Variants in MACROD1 observed in about 807,000 individuals in gnomAD.
The protein encoded by MACROD1 is ADP-ribose glycohydrolase MACROD1.
A neutral mutation model predicts 41.4 loss-of-function variants in MACROD1; 31 were observed. The observed-to-expected ratio is 0.75, with a 90% confidence interval of 0.56 to 1.01. The LOEUF (loss-of-function observed/expected upper bound fraction) is 1.01. Among genes scored for constraint, MACROD1 ranks in the 50% least tolerant of loss-of-function variants. MACROD1 has a pLI of 0.00. For missense variants in MACROD1, 473 were observed against 460.0 expected, an observed-to-expected ratio of 1.03 and a Z score of -0.26; for synonymous variants, 252 against 203.4, an observed-to-expected ratio of 1.24 and a Z score of -2.03.
At chr11:64,116,778 G>A in intron 3 of MACROD1, 1 of 1,613,566 alleles carries the variant, frequency 6.2e-7, no homozygotes, top group Non-Finnish European at 8.5e-7. Context: ...CATTGAGGAG[G>A]ACGCCTTCGC....
At chr11:64,066,949 T>C (rs1944016323) in intron 3 of MACROD1, among the ~76,000 whole-genome samples, 2 of 152,132 alleles carry the variant, frequency 1.3e-5, no homozygotes, top group African/African-American at 4.8e-5. Flanking sequence ...CCCGCCCCAG[T>C]GCGCTACGGA....
intron 8 of MACROD1, 59 bp downstream of exon 8, chr11:63,999,272 G>C: frequency 6.6e-7 from 1 of 1,523,990 alleles, no homozygotes; most frequent in Non-Finnish European, 8.8e-7. Context: ...GGGCGATGAT[G>C]GGGGCTGGTC....
chr11:64,038,065 C>T (rs1044366925), intron 3 of MACROD1, among the ~76,000 whole-genome samples: 3 of 152,150 alleles, frequency 2.0e-5, no homozygotes, highest in African/African-American at 7.2e-5. Flanking sequence ...ACTTCATCCT[C>T]ACGCTGGCCC....
At chr11:63,999,445 C>G in intron 7 of MACROD1, 41 bp from the exon 8 acceptor site, 1 of 1,558,840 alleles carries the variant, frequency 6.4e-7, no homozygotes. Context: ...GGCTCTGGCC[C>G]CGCCCACTCC....
At chr11:64,089,079 G>A (rs891414359) in intron 3 of MACROD1, among the ~76,000 whole-genome samples, 3 of 152,190 alleles carry the variant, frequency 2.0e-5, no homozygotes, top group African/African-American at 4.8e-5. Flanking sequence ...CCCTCCCTCC[G>A]GCCTGCTGCT....
chr11:64,044,587 A>G (rs1296323937), intron 3 of MACROD1, among the ~76,000 whole-genome samples: 1 of 152,096 alleles, frequency 6.6e-6, no homozygotes, highest in African/African-American at 2.4e-5. Flanking sequence ...ATTTTACCCC[A>G]GGGGTAAACT....
rs1944467962 is a variant in MACROD1, at chr11:64,090,388, A to G, written c.517+60851T>C. ...TAAACTCAGGCAGCAGGGCACAATT[A>G]CTGAGCCTGGTGCTTTATTTCCTCA... On this transcript the variant is annotated intron_variant, in intron 3 of 10. Coordinates refer to ENST00000255681, the MANE Select transcript of MACROD1 (RefSeq NM_014067.4). The surrounding 1 kb of genome is among the most constrained non-coding windows in gnomAD (Gnocchi z 4.7). Among the ~76,000 whole-genome samples, 1 of 152,214 alleles carries G rather than the reference A, an allele frequency of 6.6e-6. No homozygotes were observed. Among genetic ancestry groups the G allele is most frequent in the Non-Finnish European group, 1.5e-5 (1 of 68,032 alleles).
chr11:64,147,333 AAGTGCTGGGATTACAAG>A, intron 3 of MACROD1, among the ~76,000 whole-genome samples: 2 of 151,122 alleles, frequency 1.3e-5, no homozygotes, highest in Admixed American at 1.3e-4. Context: ...CAGCCTCTCA[AAGTGCTGGGATTACAAG>A]AGTGAGCCAC....
intron 3 of MACROD1, among the ~76,000 whole-genome samples, chr11:64,075,353 G>A (rs774490298): frequency 5.3e-5 from 8 of 152,220 alleles, no homozygotes; most frequent in Non-Finnish European, 8.8e-5. Flanking sequence ...GGTCTAAACC[G>A]TTCCCTGGGC....
chr11:64,152,172 G>T, intron 2 of MACROD1, 120 bp downstream of exon 2: 1 of 744,392 alleles, frequency 1.3e-6, no homozygotes. Context: ...TACACGCGGA[G>T]CACCTGCCTG....
chr11:64,085,173 C>T (rs1226381704), intron 3 of MACROD1, among the ~76,000 whole-genome samples: 1 of 152,144 alleles, frequency 6.6e-6, no homozygotes, highest in Admixed American at 6.5e-5. Context: ...GGGCAGAGGG[C>T]AGCTTGGAGG....
At chr11:64,025,850 G>C (rs890510995) in intron 3 of MACROD1, among the ~76,000 whole-genome samples, 1 of 151,706 alleles carries the variant, frequency 6.6e-6, no homozygotes, top group Non-Finnish European at 1.5e-5. Flanking sequence ...CTCCCAAGTA[G>C]CTAGGACTAC....
chr11:64,085,164 G>A (rs930868564), intron 3 of MACROD1, among the ~76,000 whole-genome samples: 39 of 152,198 alleles, frequency 2.6e-4, no homozygotes, highest in Admixed American at 2.6e-4. Flanking sequence ...GGGGCTTGAG[G>A]GCAGAGGGCA....
At chr11:64,108,074 G>A (rs1184804010) in intron 3 of MACROD1, among the ~76,000 whole-genome samples, 1 of 152,158 alleles carries the variant, frequency 6.6e-6, no homozygotes, top group African/African-American at 2.4e-5. Context: ...AGCACTTTGG[G>A]AGGCCGAGGC....
At position 64,082,275 on chromosome 11, in the gene MACROD1, G is replaced by A. The variant is rs1944317730; in HGVS notation, c.518-66994C>T. On this transcript the variant is annotated intron_variant, in intron 3 of 10. Transcript: ENST00000255681. This position sits in a 1 kb window ranked among gnomAD's most constrained non-coding sequence, Gnocchi z 4.5. ...AGGATGGCTGAGCCTGGGGGGTGGA[G>A]AAAATCTTGCCTCCTGCTCTGAGCA... is the stretch of plus-strand genomic sequence containing the variant. Among the ~76,000 whole-genome samples, 1 of 152,126 alleles carries A rather than the reference G, an allele frequency of 6.6e-6. No individual in the cohort carries two copies. Among genetic ancestry groups the A allele is most frequent in the South Asian group, 2.1e-4 (1 of 4,818 alleles).
chr11:64,000,263 C>T lies in MACROD1; in HGVS notation c.628G>A (p.Ala210Thr). ...AGCCGATAGCCGCCGGTGATCTTGGCCTTGCCAGTCTTACAGCTCTGCAGG... is the reference window on the plus strand; with the variant it reads ...AGCCGATAGCCGCCGGTGATCTTGGTCTTGCCAGTCTTACAGCTCTGCAGG... ...RTLQSCKTGK[A>T]KITGGYRLPA... The change falls in exon 5 of 11, where the codon GCC (alanine) becomes ACC (threonine). Residue 210 changes from alanine to threonine, a missense_variant. Coordinates refer to ENST00000255681, the MANE Select transcript of MACROD1 (RefSeq NM_014067.4). The T allele has an allele frequency of 6.2e-7, 1 of 1,606,472 alleles. No individual in the cohort carries two copies. Among genetic ancestry groups the T allele is most frequent in the Non-Finnish European group, 8.5e-7 (1 of 1,177,198 alleles).
At chr11:64,125,833 ACCTGCTGCCTTG>A (rs1343948700) in intron 3 of MACROD1, among the ~76,000 whole-genome samples, 14 of 152,204 alleles carry the variant, frequency 9.2e-5, no homozygotes, top group Non-Finnish European at 1.9e-4. Flanking sequence ...CCCAGGCGAC[ACCTGCTGCCTTG>A]CCTGCTGCCC....
intron 3 of MACROD1, among the ~76,000 whole-genome samples, chr11:64,108,366 C>T (rs544617694): frequency 6.6e-6 from 1 of 151,798 alleles, no homozygotes; most frequent in East Asian, 1.9e-4. Context: ...GTAGGCTGAG[C>T]AGCTTGGTTG....
At chr11:64,048,422 C>T (rs1943627142) in intron 3 of MACROD1, among the ~76,000 whole-genome samples, 1 of 152,196 alleles carries the variant, frequency 6.6e-6, no homozygotes, top group African/African-American at 2.4e-5. Context: ...CCTGGACCCT[C>T]CGTTGGCCTG....
Sources: allele counts gnomAD v4.1 joint callset (sites outside exome capture counted in the v4.1 genomes callset), GRCh38; gene constraint gnomAD v4.1.1; non-coding constraint Gnocchi (gnomAD v3.1); transcripts MANE v1.5; gene names NCBI Gene and HGNC (gene_info 2026-07-23, HGNC 2026-07-21).